UNC13C: variants seen among roughly 807,000 people sequenced by gnomAD.
The protein encoded by UNC13C is protein unc-13 homolog C.
Under a neutral mutation model 245.4 loss-of-function variants are expected in UNC13C, and 174 were observed. That is an observed-to-expected ratio of 0.71 (90% confidence interval 0.63 to 0.80). UNC13C has a LOEUF of 0.80. Among genes scored for constraint, UNC13C ranks in the 30% least tolerant of loss-of-function variants. The pLI, the probability that UNC13C is intolerant of heterozygous loss-of-function variation, is 0.00. For synonymous variants in UNC13C, 992 were observed against 895.1 expected (o/e 1.11, Z -1.93); for missense variants, 2,829 against 2,602.9 (o/e 1.09, Z -1.89).
chr15:54,506,567 C>T (rs759809803), intron 22 of UNC13C, among the ~76,000 whole-genome samples: 1 of 151,970 alleles, frequency 6.6e-6, no homozygotes, highest in East Asian at 1.9e-4. Context: ...TCTCTTATTT[C>T]AGGATTTCAT....
At chr15:54,052,729 G>A (rs1897324348) in intron 2 of UNC13C, among the ~76,000 whole-genome samples, 1 of 152,012 alleles carries the variant, frequency 6.6e-6, no homozygotes, top group African/African-American at 2.4e-5. Flanking sequence ...TTCCTTCCTG[G>A]GTTGTAAAGG....
intron 13 of UNC13C, among the ~76,000 whole-genome samples, chr15:54,314,068 G>A (rs928231503): frequency 3.7e-5 from 5 of 135,390 alleles, no homozygotes; most frequent in African/African-American, 8.8e-5. Context: ...CTTATATGTG[G>A]CATCAAAAAA....
At chr15:54,148,468 C>T (rs1184935895) in intron 4 of UNC13C, among the ~76,000 whole-genome samples, 1 of 152,174 alleles carries the variant, frequency 6.6e-6, no homozygotes, top group East Asian at 1.9e-4. Flanking sequence ...TGTCACAGTA[C>T]TGACATTGCT....
chr15:54,101,600 A>G (rs932481777), intron 2 of UNC13C, among the ~76,000 whole-genome samples: 10 of 150,164 alleles, frequency 6.7e-5, no homozygotes, highest in Admixed American at 5.9e-4. Context: ...TTTTTTTTTG[A>G]CAAGGAATCT....
At chr15:54,604,281 T>C (rs185501757) in intron 30 of UNC13C, among the ~76,000 whole-genome samples, 2 of 152,324 alleles carry the variant, frequency 1.3e-5, no homozygotes, top group African/African-American at 4.8e-5. Flanking sequence ...TCCCACCACA[T>C]AGATGAACTA....
At chr15:54,152,288 A>G (rs981792896) in intron 4 of UNC13C, among the ~76,000 whole-genome samples, 1 of 152,208 alleles carries the variant, frequency 6.6e-6, no homozygotes, top group Non-Finnish European at 1.5e-5. Context: ...AGCGGGGCCA[A>G]TCCAGCCTCA....
chr15:54,566,173 ACC>A (rs1393050178), intron 29 of UNC13C, among the ~76,000 whole-genome samples: 1 of 151,906 alleles, frequency 6.6e-6, no homozygotes, highest in Non-Finnish European at 1.5e-5. Flanking sequence ...TCCAGAGAGC[ACC>A]CCACCACCCT....
chr15:54,522,767 G>A (rs1435584247), intron 24 of UNC13C, among the ~76,000 whole-genome samples: 4 of 152,056 alleles, frequency 2.6e-5, no homozygotes, highest in South Asian at 2.1e-4. Flanking sequence ...AATTTTCATT[G>A]TGTATATTCC....
chr15:53,966,128 C>G, the UNC13C span, among the ~76,000 whole-genome samples: 5 of 152,248 alleles, frequency 3.3e-5, no homozygotes, highest in East Asian at 9.7e-4. Flanking sequence ...ATAAAAGTCT[C>G]ATATTCTAGA....
In UNC13C at chr15:54,165,952, T is replaced by C. The variant is rs904814437; in HGVS notation, c.3071+22268T>C. Among the ~76,000 whole-genome samples the C allele has an allele frequency of 3.3e-5, 5 of 152,198 alleles. No homozygotes were observed. The South Asian group carries it at 1.0e-3, about 32-fold the overall frequency. On this transcript the variant is annotated intron_variant, in intron 4 of 32. Transcript: ENST00000260323. Reference sequence around the variant, plus strand: ...AACAGGTGAATTCAAAATGTTTTCTTATTTCTTGCCATTTGCATTTGTTAT... The same window carrying C: ...AACAGGTGAATTCAAAATGTTTTCTCATTTCTTGCCATTTGCATTTGTTAT...
At chr15:53,911,714 A>G in the UNC13C span, 1 of 152,152 alleles carries the variant, frequency 6.6e-6, no homozygotes, top group Non-Finnish European at 1.5e-5. Flanking sequence ...TGCCAGAGAG[A>G]CCCCAGAAAC....
At chr15:54,086,180 T>G (rs1899227896) in intron 2 of UNC13C, among the ~76,000 whole-genome samples, 1 of 152,198 alleles carries the variant, frequency 6.6e-6, no homozygotes, top group South Asian at 2.1e-4. Flanking sequence ...TCTATCTAGC[T>G]GTAACAGTGT....
intron 19 of UNC13C, among the ~76,000 whole-genome samples, chr15:54,485,322 G>A (rs566575610): frequency 6.6e-6 from 1 of 152,278 alleles, no homozygotes; most frequent in Admixed American, 6.5e-5. Context: ...GATTGAGCAA[G>A]GATACAAAAT....
intron 1 of UNC13C, among the ~76,000 whole-genome samples, chr15:54,006,013 G>A (rs1313053249): frequency 6.6e-6 from 1 of 152,156 alleles, no homozygotes; most frequent in African/African-American, 2.4e-5. Context: ...TAAGGAGAAT[G>A]TAAATTATTA....
chr15:54,068,787 A>G (rs1356465906), intron 2 of UNC13C, among the ~76,000 whole-genome samples: 1 of 152,212 alleles, frequency 6.6e-6, no homozygotes, highest in African/African-American at 2.4e-5. Flanking sequence ...AGTGGACTAG[A>G]AATTGTCAGA....
At chr15:54,204,710 T>C (rs1436812477) in intron 4 of UNC13C, among the ~76,000 whole-genome samples, 1 of 152,072 alleles carries the variant, frequency 6.6e-6, no homozygotes. Context: ...AGTAACTTAT[T>C]TTTAAGCTAA....
At chr15:54,071,473 A>T (rs1898323521) in intron 2 of UNC13C, among the ~76,000 whole-genome samples, 1 of 152,128 alleles carries the variant, frequency 6.6e-6, no homozygotes, top group African/African-American at 2.4e-5. Flanking sequence ...TCTGCAACCA[A>T]CTCATAAATG....
intron 22 of UNC13C, among the ~76,000 whole-genome samples, chr15:54,505,989 G>T (rs1351880954): frequency 2.0e-5 from 3 of 152,068 alleles, no homozygotes; most frequent in Non-Finnish European, 2.9e-5. Flanking sequence ...ATCGTAAAGG[G>T]TATCCAGCTT....
chr15:54,532,403 C>G (rs1895788209), intron 25 of UNC13C, among the ~76,000 whole-genome samples: 1 of 152,160 alleles, frequency 6.6e-6, no homozygotes, highest in South Asian at 2.1e-4. Context: ...ACACTATTCA[C>G]AATAGCAAAG....
Sources: gnomAD v4.1 joint callset for allele counts (sites outside exome capture counted in the v4.1 genomes callset) on GRCh38, gnomAD v4.1.1 for gene constraint, MANE v1.5 for transcripts, NCBI Gene and HGNC (gene_info 2026-07-23, HGNC 2026-07-21) for gene names.